GABBR2: variants seen among roughly 807,000 people sequenced by gnomAD.
GABBR2 encodes G-protein coupled receptor 51.
A neutral mutation model predicts 105.6 loss-of-function variants in GABBR2; 23 were observed. The observed-to-expected ratio is 0.22, with a 90% CI of 0.16 to 0.31. GABBR2 has a LOEUF of 0.31. Ranked by LOEUF, GABBR2 falls within the 10% of genes least tolerant of loss-of-function variation. The pLI is 1.00. For missense variants in GABBR2, 734 were observed against 1,245.5 expected (o/e 0.59, Z 6.18); for synonymous variants, 478 against 499.7 (o/e 0.96, Z 0.58).
chr9:98,445,681 T>C (rs1483532661), intron 7 of GABBR2, among the ~76,000 whole-genome samples: 1 of 152,214 alleles, frequency 6.6e-6, no homozygotes, highest in Non-Finnish European at 1.5e-5. Context: ...GCATCGGTCA[T>C]TGCTGCAGGC....
intron 3 of GABBR2, among the ~76,000 whole-genome samples, chr9:98,524,013 G>A (rs1192407421): frequency 1.3e-5 from 2 of 149,420 alleles, no homozygotes; most frequent in Non-Finnish European, 3.0e-5. Flanking sequence ...CAAAAAAACA[G>A]AGGCTTTAAA....
intron 1 of GABBR2, among the ~76,000 whole-genome samples, chr9:98,695,895 C>A (rs1830744887): frequency 6.6e-6 from 1 of 152,162 alleles, no homozygotes. Flanking sequence ...TTATAAACAT[C>A]AAGATTGGCC....
At chr9:98,531,328 A>G (rs1274885066) in intron 3 of GABBR2, among the ~76,000 whole-genome samples, 1 of 152,150 alleles carries the variant, frequency 6.6e-6, no homozygotes, top group East Asian at 1.9e-4. Context: ...ACCATCCACT[A>G]GGTCCTGAGG....
At chr9:98,497,697 C>T (rs2131672849) in intron 3 of GABBR2, among the ~76,000 whole-genome samples, 1 of 152,288 alleles carries the variant, frequency 6.6e-6, no homozygotes, top group East Asian at 1.9e-4. Context: ...TTGTTCACAC[C>T]CATTAGCATG....
intron 13 of GABBR2, among the ~76,000 whole-genome samples, chr9:98,322,959 G>A (rs1381325050): frequency 6.6e-6 from 1 of 151,994 alleles, no homozygotes; most frequent in Non-Finnish European, 1.5e-5. Flanking sequence ...TGCTCACTGT[G>A]GGCCAGATTC....
chr9:98,447,559 G>A (rs1362192832), intron 7 of GABBR2, among the ~76,000 whole-genome samples: 3 of 151,620 alleles, frequency 2.0e-5, no homozygotes, highest in Non-Finnish European at 4.4e-5. Flanking sequence ...GTGTGTGTGT[G>A]TGTGTGTGTG....
intron 13 of GABBR2, among the ~76,000 whole-genome samples, chr9:98,331,396 C>CT (rs142735341): frequency 0.096 from 7,299 of 76,024 alleles, 360 homozygotes; most frequent in East Asian, 0.15. Context: ...AGTCCCTCTT[C>CT]TTTTTTTTTT....
intron 7 of GABBR2, among the ~76,000 whole-genome samples, chr9:98,450,498 T>G (rs1470246124): frequency 6.6e-6 from 1 of 152,216 alleles, no homozygotes; most frequent in Non-Finnish European, 1.5e-5. Flanking sequence ...TGTTGCGGTC[T>G]GTCTCCACTA....
intron 4 of GABBR2, 24 bp from the exon 5 acceptor site, chr9:98,481,021 G>A (rs1564086630): frequency 6.7e-7 from 1 of 1,490,996 alleles, no homozygotes; most frequent in Admixed American, 1.7e-5. Flanking sequence ...GACACATCAT[G>A]AAGGTGAGTA....
At chr9:98,494,602 T>C (rs1305843303) in intron 4 of GABBR2, among the ~76,000 whole-genome samples, 4 of 152,162 alleles carry the variant, frequency 2.6e-5, no homozygotes, top group African/African-American at 9.7e-5. Flanking sequence ...CTTGGGGTAG[T>C]TGCTAACCTC....
intron 11 of GABBR2, among the ~76,000 whole-genome samples, chr9:98,383,705 G>T (rs1832020023): frequency 6.6e-6 from 1 of 152,208 alleles, no homozygotes; most frequent in Non-Finnish European, 1.5e-5. Flanking sequence ...GAAGTTACTG[G>T]TAACAGGAAC....
chr9:98,665,266 C>G (rs559366298), intron 1 of GABBR2, among the ~76,000 whole-genome samples: 10 of 108,420 alleles, frequency 9.2e-5, no homozygotes, highest in African/African-American at 3.6e-4. Flanking sequence ...GAGTCAGTCT[C>G]TCTCTCTCAA....
At chr9:98,423,435 T>C (rs972475209) in intron 7 of GABBR2, among the ~76,000 whole-genome samples, 4 of 152,228 alleles carry the variant, frequency 2.6e-5, no homozygotes, top group African/African-American at 7.2e-5. Flanking sequence ...TCATAACCTT[T>C]GCCCACTTTT....
Position 98,472,489 on chromosome 9 carries a change from C to A in GABBR2, c.999+657G>T, listed in dbSNP as rs570598709. 1.3e-3 allele frequency among the ~76,000 whole-genome samples: 195 copies of A among 152,288 alleles called. 1 individual carries two copies. Among genetic ancestry groups the A allele is most frequent in the Non-Finnish European group, 2.6e-3 (174 of 68,018 alleles). ...AAGGTGCCAGACACCATGCTAGTGG[C>A]TTGCACCACCTGCCATCAATCCTCC... On this transcript the variant is annotated intron_variant, in intron 6 of 18. Transcript: ENST00000259455.
chr9:98,668,453 G>A (rs1464232322), intron 1 of GABBR2, among the ~76,000 whole-genome samples: 2 of 152,178 alleles, frequency 1.3e-5, no homozygotes, highest in East Asian at 3.8e-4. Context: ...AAGATTGGAG[G>A]TTGGGGAGTA....
intron 1 of GABBR2, chr9:98,581,018 T>C (rs1298133814): frequency 1.3e-5 from 2 of 152,264 alleles, no homozygotes; most frequent in Middle Eastern, 3.2e-3. Flanking sequence ...CTGTGACCCA[T>C]GTCTGTGCCA....
At chr9:98,495,631 C>T (rs1827261799) in intron 4 of GABBR2, among the ~76,000 whole-genome samples, 1 of 152,198 alleles carries the variant, frequency 6.6e-6, no homozygotes, top group South Asian at 2.1e-4. Context: ...CCATGATGAG[C>T]ATGGCTACCC....
chr9:98,636,685 G>A (rs930500015), intron 1 of GABBR2, among the ~76,000 whole-genome samples: 3 of 151,616 alleles, frequency 2.0e-5, no homozygotes, highest in African/African-American at 7.3e-5. Context: ...GTAGAGATGG[G>A]GTTTTACTGT....
intron 15 of GABBR2, among the ~76,000 whole-genome samples, chr9:98,305,670 C>A (rs1830539671): frequency 6.6e-6 from 1 of 152,090 alleles, no homozygotes; most frequent in African/African-American, 2.4e-5. Context: ...TAAAAATTAG[C>A]CAGGCGTGGT....
Sources: gnomAD v4.1 joint callset for allele counts (sites outside exome capture counted in the v4.1 genomes callset) on GRCh38, gnomAD v4.1.1 for gene constraint, MANE v1.5 for transcripts, NCBI Gene and HGNC (gene_info 2026-07-23, HGNC 2026-07-21) for gene names.